Variants in ZFYVE1 observed in about 807,000 individuals in gnomAD.
ZFYVE1 encodes the protein zinc finger FYVE domain-containing protein 1.
In ZFYVE1, 30 loss-of-function variants were observed where a neutral mutation model predicts 74.4. That is an observed-to-expected ratio of 0.40 (90% CI 0.30 to 0.55). The LOEUF is 0.55. ZFYVE1 is among the 20% of genes least tolerant of loss of function. ZFYVE1 has a pLI of 0.42. For missense variants in ZFYVE1, 703 were observed against 1,011.6 expected, an observed-to-expected ratio of 0.69 and a Z score of 4.14; for synonymous variants, 335 against 385.1, an observed-to-expected ratio of 0.87 and a Z score of 1.52.
At position 72,970,246 on chromosome 14, in the gene ZFYVE1, C is replaced by G. The variant is rs1346524722; in HGVS notation, c.*636G>C. On this transcript the variant is annotated 3_prime_UTR_variant, in exon 12 of 12. Coordinates refer to ENST00000556143, the MANE Select transcript of ZFYVE1 (RefSeq NM_021260.4). ...CCTCCACCCACTCCGGTGACCTGCA[C>G]GCTAAGTTGGGTGGTCTCTGACTAA... is the stretch of plus-strand genomic sequence containing the variant. 6.0e-6 allele frequency: 1 copy of G among 165,642 alleles called. No homozygotes were observed. Among genetic ancestry groups the G allele is most frequent in the Non-Finnish European group, 1.3e-5 (1 of 75,306 alleles). The allele number at this position is 165,642 out of a possible 1,614,324, so 10.3% of individuals were successfully genotyped here.
Position 73,012,369 on chromosome 14 carries a change from C to T in ZFYVE1, c.483+11657G>A, listed in dbSNP as rs549476150. On this transcript the variant is annotated intron_variant, in intron 2 of 11. Transcript: ENST00000556143. Reference sequence around the variant, plus strand: ...AGGTACGGTGCCTCATGCTTGTAAACCCAACACTTTGGGAGGCTGAGGCGG... The same window carrying T: ...AGGTACGGTGCCTCATGCTTGTAAATCCAACACTTTGGGAGGCTGAGGCGG... Among the ~76,000 whole-genome samples the T allele has an allele frequency of 3.3e-5, 5 of 152,256 alleles. No individual in the cohort carries two copies. In the East Asian group the frequency reaches 9.7e-4, roughly 29 times the overall value.
At chr14:73,001,875 G>A (rs912499438) in intron 2 of ZFYVE1, among the ~76,000 whole-genome samples, 2 of 152,004 alleles carry the variant, frequency 1.3e-5, no homozygotes, top group Admixed American at 6.6e-5. Context: ...TTGAACCCAG[G>A]AAGCAGAGGT....
intron 3 of ZFYVE1, among the ~76,000 whole-genome samples, chr14:72,994,630 C>A (rs984005811): frequency 1.3e-5 from 2 of 152,090 alleles, no homozygotes; most frequent in Non-Finnish European, 2.9e-5. Flanking sequence ...TCTAGATATG[C>A]CAAAGCATAA....
chr14:72,973,483 C>T (rs1291170757), intron 11 of ZFYVE1, among the ~76,000 whole-genome samples: 1 of 150,566 alleles, frequency 6.6e-6, no homozygotes, highest in East Asian at 1.9e-4. Context: ...AGTAAGACTC[C>T]ATCTCAAAAA....
At chr14:72,972,806 C>T (rs1339242635) in intron 11 of ZFYVE1, among the ~76,000 whole-genome samples, 2 of 151,630 alleles carry the variant, frequency 1.3e-5, no homozygotes, top group Non-Finnish European at 2.9e-5. Flanking sequence ...CTCCCGGGTT[C>T]ATGCCATTCT....
At chr14:73,016,467 G>A (rs542821164) in intron 2 of ZFYVE1, among the ~76,000 whole-genome samples, 1 of 151,778 alleles carries the variant, frequency 6.6e-6, no homozygotes, top group Admixed American at 6.6e-5. Flanking sequence ...GCTTGAGATC[G>A]TGCCACTGCA....
At chr14:73,013,697 G>A (rs545161261) in intron 2 of ZFYVE1, among the ~76,000 whole-genome samples, 5 of 152,050 alleles carry the variant, frequency 3.3e-5, no homozygotes, top group South Asian at 4.2e-4. Context: ...GCTCCTCTGC[G>A]TCTCTTTCCA....
rs767225247 is a variant in ZFYVE1, at chr14:73,024,015, C to T, written c.483+11G>A. On this transcript the variant is annotated intron_variant, in intron 2 of 11. Transcript: ENST00000556143. ...CACTACACATGAATCCCACTATACC[C>T]GTGTGCTTACCTGAATTTCTTCATT... is the stretch of plus-strand genomic sequence containing the variant. The T allele has an allele frequency of 3.7e-6, 6 of 1,612,090 alleles. No homozygotes were observed. In the South Asian group the frequency reaches 4.4e-5, roughly 12 times the overall value.
Position 73,024,348 on chromosome 14 carries a change from CGCTCCTGCCGATGGA to C in ZFYVE1, c.146_160del (p.Leu49_Glu53del). On this transcript the variant is annotated inframe_deletion, in exon 2 of 12. Coordinates refer to ENST00000556143, the MANE Select transcript of ZFYVE1 (RefSeq NM_021260.4). ...TCTTATCCGCTCATGGTTTCTCAGGCGCTCCTGCCGATGGAGCTCCTCCTCGCAGCGGAGACACTG... is the reference window on the plus strand; with the variant it reads ...TCTTATCCGCTCATGGTTTCTCAGGCGCTCCTCCTCGCAGCGGAGACACTG... 6.2e-7 allele frequency: 1 copy of C among 1,614,082 alleles called. No individual in the cohort carries two copies. The highest frequency in any genetic ancestry group is 8.5e-7 in the Non-Finnish European group (1 of 1,180,018).
chr14:72,995,945 G>A (rs1440783133), intron 3 of ZFYVE1, among the ~76,000 whole-genome samples: 1 of 152,082 alleles, frequency 6.6e-6, no homozygotes, highest in African/African-American at 2.4e-5. Context: ...TAGGCTGCCA[G>A]GGAATCTTTT....
intron 2 of ZFYVE1, among the ~76,000 whole-genome samples, chr14:73,006,470 G>T (rs968998809): frequency 6.6e-6 from 1 of 151,630 alleles, no homozygotes; most frequent in Non-Finnish European, 1.5e-5. Context: ...AGCTACTCGG[G>T]AGGCTAAGGC....
chr14:72,972,195 T>C (rs1419465958), intron 11 of ZFYVE1, among the ~76,000 whole-genome samples: 3 of 151,512 alleles, frequency 2.0e-5, no homozygotes, highest in Admixed American at 6.6e-5. Context: ...GCCTGGACAA[T>C]AGCGAGAGTC....
chr14:73,003,126 C>G (rs912702285), intron 2 of ZFYVE1, among the ~76,000 whole-genome samples: 1 of 146,552 alleles, frequency 6.8e-6, no homozygotes, highest in Admixed American at 7.0e-5. Context: ...ACAATCTCAG[C>G]TCACTGCAAC....
At chr14:72,992,412 A>C (rs1204407883) in intron 4 of ZFYVE1, among the ~76,000 whole-genome samples, 1 of 152,140 alleles carries the variant, frequency 6.6e-6, no homozygotes, top group Non-Finnish European at 1.5e-5. Context: ...CAATTACTAC[A>C]TCTCTTGGTG....
intron 4 of ZFYVE1, among the ~76,000 whole-genome samples, chr14:72,984,771 T>C (rs941397072): frequency 3.9e-5 from 6 of 152,212 alleles, no homozygotes; most frequent in African/African-American, 1.4e-4. Context: ...TGACAGCCCA[T>C]TGTACTCAAT....
In ZFYVE1 at chr14:73,024,156, A is replaced by G. The variant is rs780638831; in HGVS notation, c.353T>C (p.Val118Ala). ...HSGGNKRRHP[V>A]TVYNVSNLQE... ...GAGATTACTGACATTGTACACAGTAACAGGGTGTCTCCTTTTGTTACCCCC... is the reference window on the plus strand; with the variant it reads ...GAGATTACTGACATTGTACACAGTAGCAGGGTGTCTCCTTTTGTTACCCCC... Residue 118 changes from valine to alanine, a missense_variant, in exon 2 of 12, where the codon GTT becomes GCT. Physicochemically the swap from Val to Ala is moderately conservative, Grantham distance 64 (BLOSUM62 0). Transcript: ENST00000556143. 2.4e-5 allele frequency: 39 copies of G among 1,614,014 alleles called. No homozygotes were observed. Among genetic ancestry groups the G allele is most frequent in the Non-Finnish European group, 3.3e-5 (39 of 1,180,038 alleles).
intron 2 of ZFYVE1, among the ~76,000 whole-genome samples, chr14:73,006,873 AC>A (rs896809561): frequency 1.1e-4 from 17 of 151,224 alleles, no homozygotes; most frequent in Admixed American, 1.1e-3. Context: ...GTGCCACCAT[AC>A]CTAGGTAATT....
At chr14:73,006,732 T>G (rs1893989176) in intron 2 of ZFYVE1, among the ~76,000 whole-genome samples, 1 of 128,466 alleles carries the variant, frequency 7.8e-6, no homozygotes, top group Non-Finnish European at 1.6e-5. Flanking sequence ...TTTTTTTTTT[T>G]TGAGACAGAG....
chr14:73,021,811 A>C (rs1229469280), intron 2 of ZFYVE1, among the ~76,000 whole-genome samples: 1 of 152,190 alleles, frequency 6.6e-6, no homozygotes, highest in Non-Finnish European at 1.5e-5. Context: ...GACCAATATC[A>C]TCTCTGGGTA....
Sources: gnomAD v4.1 joint callset for allele counts (sites outside exome capture counted in the v4.1 genomes callset) on GRCh38, gnomAD v4.1.1 for gene constraint, MANE v1.5 for transcripts, NCBI Gene and HGNC (gene_info 2026-07-23, HGNC 2026-07-21) for gene names.